RNF8: variants seen among roughly 807,000 people sequenced by gnomAD.
RNF8 encodes ring finger protein 8.
Under a neutral mutation model 59.3 loss-of-function variants are expected in RNF8, and 8 were observed. The observed-to-expected ratio is 0.13, with a 90% CI of 0.08 to 0.24. RNF8 has a LOEUF of 0.24. Among genes scored for constraint, RNF8 ranks in the 10% least tolerant of loss-of-function variants. The probability of loss-of-function intolerance (pLI) is 1.00; values close to 1 mark genes in which losing one functional copy is unlikely to be tolerated. For synonymous variants in RNF8, 162 were observed against 200.0 expected, an observed-to-expected ratio of 0.81 and a Z score of 1.60; for missense variants, 406 against 572.6, an observed-to-expected ratio of 0.71 and a Z score of 2.97.
At position 37,393,656 on chromosome 6, in the gene RNF8, A is replaced by G. The variant is rs1165316351; in HGVS notation, c.*2898A>G. 6.6e-6 allele frequency: 1 copy of G among 152,220 alleles called. No individual in the cohort carries two copies. The highest frequency in any genetic ancestry group is 1.5e-5 in the Non-Finnish European group (1 of 68,042). The allele number at this position is 152,220 out of a possible 1,614,324, so 9.4% of individuals were successfully genotyped here. ...TTGCAGTGAATGGCAGGTGTCCCAT[A>G]TCTGGTTATGTTAACCTAGAAAGGG... On this transcript the variant is annotated 3_prime_UTR_variant, in exon 8 of 8. Transcript: ENST00000373479.
intron 1 of RNF8, among the ~76,000 whole-genome samples, chr6:37,359,992 G>C (rs941576309): frequency 1.3e-5 from 2 of 152,138 alleles, no homozygotes; most frequent in Non-Finnish European, 1.5e-5. Context: ...CATTGAAAGG[G>C]GATTGGAGAT....
intron 1 of RNF8, chr6:37,359,262 C>G (rs1397218073): frequency 2.2e-6 from 1 of 444,872 alleles, no homozygotes; most frequent in Non-Finnish European, 4.5e-6. Context: ...TTTCCGGAAG[C>G]TCTCAAGCTG....
intron 6 of RNF8, 121 bp downstream of exon 6, chr6:37,377,154 C>G: frequency 5.2e-6 from 3 of 577,452 alleles, no homozygotes; most frequent in Non-Finnish European, 9.0e-6. Context: ...CTCACTGCAA[C>G]CTCCACTTCC....
At chr6:37,383,914 G>T (rs1340073322) in intron 7 of RNF8, among the ~76,000 whole-genome samples, 1 of 152,084 alleles carries the variant, frequency 6.6e-6, no homozygotes, top group Non-Finnish European at 1.5e-5. Flanking sequence ...GCAGTCTTCT[G>T]TCAGCTCCTC....
chr6:37,390,454 TGCTGGGGAGTGGAGTGAGC>T (rs1298514667), intron 7 of RNF8, among the ~76,000 whole-genome samples: 3 of 152,150 alleles, frequency 2.0e-5, no homozygotes, highest in Non-Finnish European at 4.4e-5. Context: ...AGGAGGCTAG[TGCTGGGGAGTGGAGTGAGC>T]GCTGGGGAGT....
At chr6:37,383,891 G>A (rs577936212) in intron 7 of RNF8, among the ~76,000 whole-genome samples, 1 of 152,112 alleles carries the variant, frequency 6.6e-6, no homozygotes, top group Non-Finnish European at 1.5e-5. Context: ...TCTGGAGCTG[G>A]TGAGGTGAGA....
rs1017884149 is a variant in RNF8 at position 37,380,078 on chromosome 6, A to AT, written c.1237-1062dup. On this transcript the variant is annotated intron_variant, in intron 6 of 7. Coordinates refer to ENST00000373479, the MANE Select transcript of RNF8 (RefSeq NM_003958.4). ...ACAGACTGTGCCACCATGCCTGGCT[A>AT]TTTTTTTTTTCCTTTTTTTGTAGAG... is the stretch of plus-strand genomic sequence containing the variant. 6.0e-4 allele frequency among the ~76,000 whole-genome samples: 88 copies of AT among 147,722 alleles called. 1 individual carries two copies. Among genetic ancestry groups the AT allele is most frequent in the East Asian group, 5.7e-3 (29 of 5,060 alleles).
At chr6:37,376,068 A>G (rs1262661062) in intron 5 of RNF8, among the ~76,000 whole-genome samples, 1 of 152,226 alleles carries the variant, frequency 6.6e-6, no homozygotes, top group Admixed American at 6.5e-5. Context: ...GGTGTACCTT[A>G]CTTTACAGAA....
Position 37,360,518 on chromosome 6 carries a change from A to T in RNF8, c.184A>T (p.Asn62Tyr), listed in dbSNP as rs376194211. Residue 62 changes from asparagine (N) to tyrosine (Y), a missense_variant, in exon 2 of 8, where the codon AAC (asparagine) becomes TAC (tyrosine). Physicochemically the swap from Asn to Tyr is moderately radical, Grantham distance 143. This residue lies in a region of RNF8 where 62 missense variants were observed against 112.2 expected (regional missense o/e 0.55). Coordinates refer to ENST00000373479, the MANE Select transcript of RNF8 (RefSeq NM_003958.4). The surrounding 1 kb of genome is among the most constrained non-coding windows in gnomAD (Gnocchi z 4.2). ...AATCTGCCCCCTGATGATTTCTCGA[A>T]ACCACTGTGTTTTGAAGCAGAATCC... ...SKICPLMISR[N>Y]HCVLKQNPEG... The T allele has an allele frequency of 8.7e-6, 14 of 1,613,984 alleles. No individual in the cohort carries two copies. The African/African-American group carries it at 1.7e-4, about 20-fold the overall frequency.
chr6:37,381,866 G>A (rs960340917), intron 7 of RNF8, among the ~76,000 whole-genome samples: 2 of 152,226 alleles, frequency 1.3e-5, no homozygotes, highest in Non-Finnish European at 2.9e-5. Context: ...TGAGCAGGAC[G>A]TGTGTCTGAG....
At chr6:37,362,956 A>G (rs1769384265) in intron 2 of RNF8, among the ~76,000 whole-genome samples, 1 of 152,222 alleles carries the variant, frequency 6.6e-6, no homozygotes, top group Non-Finnish European at 1.5e-5. Flanking sequence ...TGGTCAATTC[A>G]TAAGCTTTTC....
chr6:37,371,384 C>T, intron 3 of RNF8, 128 bp from the exon 4 acceptor site: 1 of 666,490 alleles, frequency 1.5e-6, no homozygotes. Context: ...GGAGATTTTC[C>T]ACCTGCTCCC....
chr6:37,377,082 T>TA, intron 6 of RNF8, 49 bp downstream of exon 6: 1 of 1,138,626 alleles, frequency 8.8e-7, no homozygotes, highest in South Asian at 1.4e-5. Context: ...TTTTTTTTTT[T>TA]TTTTTTTGAG....
At chr6:37,388,302 TTGA>T (rs1208043112) in intron 7 of RNF8, among the ~76,000 whole-genome samples, 1 of 152,060 alleles carries the variant, frequency 6.6e-6, no homozygotes, top group African/African-American at 2.4e-5. Context: ...GGCACCTGAG[TTGA>T]TGATGATGCA....
At chr6:37,389,358 G>A (rs576405810) in intron 7 of RNF8, among the ~76,000 whole-genome samples, 1 of 151,768 alleles carries the variant, frequency 6.6e-6, no homozygotes, top group African/African-American at 2.4e-5. Flanking sequence ...TACAGTGATT[G>A]GGGAGTGAGT....
intron 7 of RNF8, among the ~76,000 whole-genome samples, chr6:37,385,881 C>G (rs1390409394): frequency 1.4e-5 from 2 of 139,972 alleles, no homozygotes; most frequent in African/African-American, 5.5e-5. Flanking sequence ...TTGAAAAAGG[C>G]TGGTGTGCAG....
chr6:37,388,211 T>C (rs1002372654), intron 7 of RNF8, among the ~76,000 whole-genome samples: 1 of 152,000 alleles, frequency 6.6e-6, no homozygotes, highest in African/African-American at 2.4e-5. Context: ...GTTAAGGAGG[T>C]AGAATCCACA....
chr6:37,380,793 G>GT (rs1299903111), intron 6 of RNF8, among the ~76,000 whole-genome samples: 1 of 151,656 alleles, frequency 6.6e-6, no homozygotes, highest in African/African-American at 2.4e-5. Flanking sequence ...AGCAATTCTC[G>GT]TGCCTCAGCC....
At position 37,368,440 on chromosome 6, in the gene RNF8, C is replaced by T. The variant is rs77441164; in HGVS notation, c.241-44C>T. On this transcript the variant is annotated intron_variant, in intron 2 of 7. Transcript: ENST00000373479. ...CAGGAGAGAGATTCCTTTAAGAAGA[C>T]GAAAATCATGAAGCTTATTTCTTCT... is the stretch of plus-strand genomic sequence containing the variant. 5.2e-4 allele frequency: 843 copies of T among 1,613,688 alleles called. 11 individuals carry two copies. In the East Asian group the frequency reaches 0.017, roughly 32 times the overall value.
Sources: allele counts gnomAD v4.1 joint callset (sites outside exome capture counted in the v4.1 genomes callset), GRCh38; gene constraint gnomAD v4.1.1; regional missense constraint gnomAD v4.1.1; non-coding constraint Gnocchi (gnomAD v3.1); transcripts MANE v1.5; gene names NCBI Gene and HGNC (gene_info 2026-07-23, HGNC 2026-07-21).